The following FIP1L1 variants were observed in gnomAD, a reference collection of about 807,000 sequenced individuals.
FIP1L1 encodes the protein factor interacting with PAPOLA and CPSF1.
Under a neutral mutation model 84.6 loss-of-function variants are expected in FIP1L1, and 21 were observed. The observed-to-expected ratio is 0.25, with a 90% CI of 0.18 to 0.36. The LOEUF (loss-of-function observed/expected upper bound fraction) is 0.36. Among genes scored for constraint, FIP1L1 ranks in the 10% least tolerant of loss-of-function variants. FIP1L1 has a pLI of 1.00. For synonymous variants in FIP1L1, 263 were observed against 242.3 expected, an observed-to-expected ratio of 1.09 and a Z score of -0.80; for missense variants, 526 against 751.1, an observed-to-expected ratio of 0.70 and a Z score of 3.50.
In FIP1L1 at chr4:53,390,960, A is replaced by T. The variant is rs368645774; in HGVS notation, c.506-49A>T. 9 of 1,477,892 alleles carry T rather than the reference A, an allele frequency of 6.1e-6. No individual in the cohort carries two copies. In the African/African-American group the frequency reaches 1.3e-4, roughly 21 times the overall value. The allele number at this position is 1,477,892 out of a possible 1,614,324, so 91.5% of individuals were successfully genotyped here. Reference sequence around the variant, plus strand: ...GTTTAGTATATTTTTGATGCTGCATAAAAATAGAGCTGAAATATTTGTACA... The same window carrying T: ...GTTTAGTATATTTTTGATGCTGCATTAAAATAGAGCTGAAATATTTGTACA... On this transcript the variant is annotated intron_variant, in intron 7 of 17. Coordinates refer to ENST00000337488, the MANE Select transcript of FIP1L1 (RefSeq NM_030917.4).
rs116113000 is a variant in FIP1L1 at position 53,410,341 on chromosome 4, C to T, written c.816-4274C>T. 4.5e-3 allele frequency among the ~76,000 whole-genome samples: 678 copies of T among 152,316 alleles called. 1 individual carries two copies. Among genetic ancestry groups the T allele is most frequent in the Admixed American group, 0.01 (155 of 15,290 alleles). On this transcript the variant is annotated intron_variant, in intron 10 of 17. Transcript: ENST00000337488. ...ACTGTAGAATGGTCGTTGAGTTCTT[C>T]GACAGCTTCTCGTGTAGTTGTAAGA...
chr4:53,437,303 A>G (rs981172043), intron 13 of FIP1L1, among the ~76,000 whole-genome samples: 14 of 127,866 alleles, frequency 1.1e-4, no homozygotes, highest in Non-Finnish European at 2.1e-4. Flanking sequence ...ACCCTACACA[A>G]CAGTGTGAGA....
chr4:53,450,542 T>C (rs1352778630), intron 15 of FIP1L1, among the ~76,000 whole-genome samples: 1 of 152,192 alleles, frequency 6.6e-6, no homozygotes, highest in African/African-American at 2.4e-5. Flanking sequence ...AAGTCTTTAT[T>C]TGCATGGTGG....
At chr4:53,401,514 A>G (rs1034475340) in intron 10 of FIP1L1, among the ~76,000 whole-genome samples, 1 of 152,236 alleles carries the variant, frequency 6.6e-6, no homozygotes, top group Non-Finnish European at 1.5e-5. Flanking sequence ...GGCAAGAGAT[A>G]ATGGTAACTT....
intron 3 of FIP1L1, among the ~76,000 whole-genome samples, chr4:53,381,750 A>ATTTTTTTTTTTTTTTTTTTTTTTTTTT: frequency 1.6e-5 from 1 of 63,078 alleles, no homozygotes; most frequent in South Asian, 5.8e-4. Context: ...AGGCATTTGC[A>ATTTTTTTTTTTTTTTTTTTTTTTTTTT]TTCTTTTTTT....
At chr4:53,395,969 A>G (rs1747054640) in intron 9 of FIP1L1, among the ~76,000 whole-genome samples, 1 of 149,532 alleles carries the variant, frequency 6.7e-6, no homozygotes, top group Admixed American at 6.7e-5. Flanking sequence ...CCCATGCTGG[A>G]GTGCAATGGT....
chr4:53,397,606 G>A (rs1238086098), intron 9 of FIP1L1, among the ~76,000 whole-genome samples: 3 of 152,190 alleles, frequency 2.0e-5, no homozygotes, highest in Non-Finnish European at 4.4e-5. Flanking sequence ...CCACACATAA[G>A]TGATAACCTC....
At chr4:53,401,799 G>A (rs9997905) in intron 10 of FIP1L1, among the ~76,000 whole-genome samples, 19,776 of 152,178 alleles carry the variant, frequency 0.13, 2,565 homozygotes, top group African/African-American at 0.32. Flanking sequence ...CCTATTGGAC[G>A]TGCAAGTGGG....
intron 1 of FIP1L1, 182 bp from the exon 2 acceptor site, chr4:53,378,891 A>C: frequency 1.6e-6 from 1 of 628,888 alleles, no homozygotes; most frequent in East Asian, 2.9e-5. Context: ...GGCAAGATTT[A>C]GCATTAGTTA....
chr4:53,414,394 G>T (rs1758514738), intron 10 of FIP1L1, among the ~76,000 whole-genome samples: 1 of 151,948 alleles, frequency 6.6e-6, no homozygotes, highest in Non-Finnish European at 1.5e-5. Flanking sequence ...CTATGTTGAA[G>T]AATATTTCTA....
chr4:53,444,256 G>A (rs553437339), intron 15 of FIP1L1, among the ~76,000 whole-genome samples, 153 bp downstream of exon 15: 2 of 152,172 alleles, frequency 1.3e-5, no homozygotes, highest in South Asian at 2.1e-4. Flanking sequence ...TATCTGCCAG[G>A]TTAGCAAACA....
intron 14 of FIP1L1, 52 bp downstream of exon 14, chr4:53,442,759 G>A (rs371158401): frequency 3.5e-5 from 35 of 1,006,338 alleles, no homozygotes; most frequent in Non-Finnish European, 4.9e-5. Flanking sequence ...TTTGACAGAA[G>A]AACCATATAC....
intron 5 of FIP1L1, among the ~76,000 whole-genome samples, chr4:53,388,960 TTTTC>T (rs1244782480): frequency 6.6e-6 from 1 of 152,166 alleles, no homozygotes; most frequent in Non-Finnish European, 1.5e-5. Flanking sequence ...TCAGATATTT[TTTTC>T]TTTATCACTG....
At position 53,459,532 on chromosome 4, in the gene FIP1L1, A is replaced by G. The variant is rs763980669; in HGVS notation, c.*83A>G. The G allele has an allele frequency of 2.5e-6, 4 of 1,575,650 alleles. No homozygotes were observed. Among genetic ancestry groups the G allele is most frequent in the South Asian group, 1.1e-5 (1 of 87,658 alleles). On this transcript the variant is annotated 3_prime_UTR_variant, in exon 18 of 18. Coordinates refer to ENST00000337488, the MANE Select transcript of FIP1L1 (RefSeq NM_030917.4). ...TATTTTTCTGGATAATGTTTAAGAAATTTACCTTAAATCTTGTTCTGTTTG... is the reference window on the plus strand; with the variant it reads ...TATTTTTCTGGATAATGTTTAAGAAGTTTACCTTAAATCTTGTTCTGTTTG...
intron 10 of FIP1L1, among the ~76,000 whole-genome samples, chr4:53,409,066 G>T (rs1755540403): frequency 6.6e-6 from 1 of 152,132 alleles, no homozygotes. Context: ...AGGAGGAGAG[G>T]CACTCTGCTT....
At chr4:53,438,016 C>T (rs777916207) in intron 13 of FIP1L1, among the ~76,000 whole-genome samples, 18 of 152,032 alleles carry the variant, frequency 1.2e-4, no homozygotes, top group Non-Finnish European at 2.1e-4. Context: ...TGAGCCACCG[C>T]GCCCGGCCTA....
At position 53,385,028 on chromosome 4, in the gene FIP1L1, A is replaced by G. The variant is rs535125564; in HGVS notation, c.332+1152A>G. ...GTATTATAATAATGACTACCCATGT[A>G]ATTTTAAAATCCTAGCACCTTTTTA... On this transcript the variant is annotated intron_variant, in intron 5 of 17. Coordinates refer to ENST00000337488, the MANE Select transcript of FIP1L1 (RefSeq NM_030917.4). 2.0e-4 allele frequency among the ~76,000 whole-genome samples: 30 copies of G among 152,264 alleles called. 1 individual carries two copies. The South Asian group carries it at 5.8e-3, about 29-fold the overall frequency.
chr4:53,389,119 C>G (rs564479714), intron 5 of FIP1L1, among the ~76,000 whole-genome samples: 2 of 152,300 alleles, frequency 1.3e-5, no homozygotes, highest in Admixed American at 1.3e-4. Context: ...AACCACCCAC[C>G]ACCGGCAAAC....
Position 53,390,613 on chromosome 4 carries a change from C to T in FIP1L1, c.490C>T (p.Pro164Ser). The T allele has an allele frequency of 6.2e-7, 1 of 1,604,772 alleles. No individual in the cohort carries two copies. The highest frequency in any genetic ancestry group is 2.2e-5 in the East Asian group (1 of 44,752). The change falls in exon 7 of 18, where the codon CCA becomes TCA. Residue 164 changes from proline (P) to serine (S), a missense_variant. Physicochemically the swap from Pro to Ser is moderately conservative, Grantham distance 74. This residue lies in a region of FIP1L1 where 169 missense variants were observed against 206.9 expected (regional missense o/e 0.82). Transcript: ENST00000337488. ...AGATTTGGATTCTTTTGAAGATAAA[C>T]CATGGCGTAAACCTGGTAAGATTAT... ...EVDLDSFEDK[P>S]WRKPGADLSD...
Sources: gnomAD v4.1 joint callset for allele counts (sites outside exome capture counted in the v4.1 genomes callset) on GRCh38, gnomAD v4.1.1 for gene constraint, gnomAD v4.1.1 regional missense constraint, MANE v1.5 for transcripts, NCBI Gene and HGNC (gene_info 2026-07-23, HGNC 2026-07-21) for gene names.